The following TAF1 variants were observed in gnomAD, a reference collection of about 807,000 sequenced individuals.
TAF1 encodes the protein TATA-box binding protein associated factor 1.
TAF1 carries 2 observed loss-of-function variants against 138.5 expected under a neutral mutation model. The ratio of observed to expected loss-of-function variants is 0.01; its 90% CI spans 0.01 to 0.05. The LOEUF (loss-of-function observed/expected upper bound fraction) is 0.05, where lower values mean the gene tolerates loss of function less well. Ranked by LOEUF, TAF1 falls within the 10% of genes least tolerant of loss-of-function variation. The pLI is 1.00. For synonymous variants in TAF1, 437 were observed against 503.2 expected, an observed-to-expected ratio of 0.87 and a Z score of 1.76; for missense variants, 709 against 1,478.0, an observed-to-expected ratio of 0.48 and a Z score of 8.53.
At chrX:71,520,245 G>A (rs1309132814) in intron 13 of TAF1, among the ~76,000 whole-genome samples, 3 of 106,981 alleles carry the variant, frequency 2.8e-5, no homozygotes, top group South Asian at 4.1e-4. Context: ...CTGGGTTCAC[G>A]CCATTATCCT....
chrX:71,397,544 G>A (rs1039513272), intron 23 of TAF1, 78 bp downstream of exon 23: 19 of 1,110,015 alleles, frequency 1.7e-5, no homozygotes, highest in African/African-American at 9.1e-5. Flanking sequence ...GTGCAGCGGC[G>A]TGATCTTGGC....
At chrX:71,490,820 C>G (rs757384091) in intron 13 of TAF1, among the ~76,000 whole-genome samples, 2 of 108,533 alleles carry the variant, frequency 1.8e-5, no homozygotes, top group Non-Finnish European at 3.8e-5. Flanking sequence ...CTCTGCCTCC[C>G]GGGTTCAAGT....
At chrX:71,417,869 A>G (rs759002071) in intron 28 of TAF1, among the ~76,000 whole-genome samples, 11 of 111,638 alleles carry the variant, frequency 9.9e-5, no homozygotes, top group South Asian at 3.7e-4. Flanking sequence ...CTAATACTCT[A>G]TTTTTAAAAA....
At chrX:71,523,106 C>G (rs1296799563) in intron 13 of TAF1, among the ~76,000 whole-genome samples, 1 of 100,678 alleles carries the variant, frequency 9.9e-6, no homozygotes, top group Non-Finnish European at 2.0e-5. Context: ...CGCTTGAGCC[C>G]GGGAGGCAGA....
At chrX:71,377,335 T>C (rs1049920504) in intron 5 of TAF1, 144 bp downstream of exon 5, 6 of 939,347 alleles carry the variant, frequency 6.4e-6, no homozygotes, top group Admixed American at 3.7e-5. Flanking sequence ...CACACTGTAT[T>C]AGGTCTTTTT....
At chrX:71,463,792 G>A (rs1027259423) in intron 37 of TAF1, 32 bp from the exon 38 acceptor site, 3 of 1,191,505 alleles carry the variant, frequency 2.5e-6, no homozygotes, top group African/African-American at 3.5e-5. Flanking sequence ...GATGGTGTCC[G>A]AGCTTGAGAG....
chrX:71,506,658 C>G (rs2039634011), intron 13 of TAF1, among the ~76,000 whole-genome samples: 1 of 106,606 alleles, frequency 9.4e-6, no homozygotes. Flanking sequence ...GCCGAGATCA[C>G]GCCACTGCAC....
chrX:71,473,961 A>G (rs766818735), intron 13 of TAF1, among the ~76,000 whole-genome samples: 14 of 110,907 alleles, frequency 1.3e-4, no homozygotes, highest in Non-Finnish European at 2.5e-4. Flanking sequence ...TGTAGGCAAC[A>G]TGGTGAAACT....
At chrX:71,437,863 T>C (rs1488547024) in intron 32 of TAF1, among the ~76,000 whole-genome samples, 1 of 96,666 alleles carries the variant, frequency 1.0e-5, no homozygotes, top group Non-Finnish European at 2.1e-5. Context: ...TGAGACGGAG[T>C]CTCATTCTGT....
At chrX:71,447,132 T>G (rs2037730024) in intron 32 of TAF1, among the ~76,000 whole-genome samples, 1 of 111,934 alleles carries the variant, frequency 8.9e-6, no homozygotes, top group South Asian at 3.7e-4. Context: ...CTGATCTTTT[T>G]TTTTAAACTT....
rs958803169 is a variant in TAF1 at position 71,412,970 on chromosome X, C to A, written c.4384+4819C>A. 3.9e-4 allele frequency among the ~76,000 whole-genome samples: 43 copies of A among 111,626 alleles called. 2 individuals are homozygous for A. Among genetic ancestry groups the A allele is most frequent in the Admixed American group, 3.8e-3 (40 of 10,399 alleles). On this transcript the variant is annotated intron_variant, in intron 28 of 37. Coordinates refer to ENST00000423759, the MANE Select transcript of TAF1 (RefSeq NM_004606.5). ...TTATTTCTCTTGGGTATATAAAGAT[C>A]GAGCATCCCAAATCCAAAAACTTGA...
chrX:71,478,196 AC>A (rs1440170263), intron 13 of TAF1, among the ~76,000 whole-genome samples: 16 of 110,465 alleles, frequency 1.4e-4, no homozygotes, highest in African/African-American at 4.6e-4. Context: ...TACAAAAAAT[AC>A]AAAAAAATTA....
At chrX:71,462,217 A>G (rs2038577416) in intron 37 of TAF1, among the ~76,000 whole-genome samples, 1 of 112,148 alleles carries the variant, frequency 8.9e-6, no homozygotes, top group South Asian at 3.7e-4. Context: ...TGTGCCCCAA[A>G]AGAAAAATGG....
At chrX:71,442,698 G>A (rs1464931951) in intron 32 of TAF1, among the ~76,000 whole-genome samples, 2 of 111,919 alleles carry the variant, frequency 1.8e-5, no homozygotes, top group Non-Finnish European at 3.8e-5. Flanking sequence ...GGCTTTTGTT[G>A]CCATTGGTTT....
At chrX:71,516,742 T>A (rs2039833010) in intron 13 of TAF1, among the ~76,000 whole-genome samples, 1 of 108,799 alleles carries the variant, frequency 9.2e-6, no homozygotes, top group Non-Finnish European at 1.9e-5. Flanking sequence ...TCTCTCTCTG[T>A]CGCCCAGGCT....
chrX:71,512,679 A>G (rs2039754623), intron 13 of TAF1, among the ~76,000 whole-genome samples: 1 of 110,960 alleles, frequency 9.0e-6, no homozygotes, highest in Admixed American at 9.6e-5. Flanking sequence ...TTTGCCGGGC[A>G]TGGTGGCTCA....
rs1354534892 is a variant in TAF1 at position 71,392,913 on chromosome X, A to G, written c.2970A>G (p.Thr990=). 2 of 1,211,875 alleles carry G rather than the reference A, an allele frequency of 1.7e-6. No individual in the cohort carries two copies. Among genetic ancestry groups the G allele is most frequent in the Non-Finnish European group, 2.2e-6 (2 of 895,574 alleles). Residue 990 remains threonine, a synonymous_variant, in exon 20 of 38, where the codon ACA becomes ACG. Transcript: ENST00000423759. ...CGCAGCCAGTGAAGAAGACAGTGACAGGAACAGATGCAGACCTTCGTCGCC... is the reference window on the plus strand; with the variant it reads ...CGCAGCCAGTGAAGAAGACAGTGACGGGAACAGATGCAGACCTTCGTCGCC... ...KEPQPVKKTV[T]GTDADLRRLS... is the part of the protein sequence containing the mutation.
In TAF1 at chrX:71,463,827, T is replaced by C; in HGVS notation, c.5403T>C (p.Tyr1801=). The part of the protein sequence containing the change: ...SHGLEDSNIS[Y]GSYEEPDPKS... ...GATGACATGTTTCTCTTCTCAGTTA[T>C]GGGAGCTATGAGGAGCCTGATCCCA... Residue 1801 remains tyrosine, a synonymous_variant, in exon 38 of 38, where the codon TAT becomes TAC. Transcript: ENST00000423759. 1 of 1,209,687 alleles carries C rather than the reference T, an allele frequency of 8.3e-7. No individual in the cohort carries two copies. Among genetic ancestry groups the C allele is most frequent in the Non-Finnish European group, 1.1e-6 (1 of 894,857 alleles).
chrX:71,377,878 G>C, intron 6 of TAF1, 57 bp downstream of exon 6: 1 of 1,071,507 alleles, frequency 9.3e-7, no homozygotes. Flanking sequence ...TGAATTCAAT[G>C]AGTTCTCCCT....
Sources: gnomAD v4.1 joint callset for allele counts (sites outside exome capture counted in the v4.1 genomes callset) on GRCh38, gnomAD v4.1.1 for gene constraint, MANE v1.5 for transcripts, NCBI Gene and HGNC (gene_info 2026-07-23, HGNC 2026-07-21) for gene names.